The following SETD1A variants were observed in gnomAD, a reference collection of about 807,000 sequenced individuals.
The protein encoded by SETD1A is histone-lysine N-methyltransferase SETD1A.
A neutral mutation model predicts 149.9 loss-of-function variants in SETD1A; 29 were observed. The observed-to-expected ratio is 0.19, with a 90% CI of 0.14 to 0.26. The LOEUF is 0.26. Among genes scored for constraint, SETD1A ranks in the 10% least tolerant of loss-of-function variants. The pLI, the probability that SETD1A is intolerant of heterozygous loss-of-function variation, is 1.00. For missense variants in SETD1A, 2,109 were observed against 2,353.1 expected (o/e 0.90, Z 2.15); for synonymous variants, 1,141 against 968.5 (o/e 1.18, Z -3.31).
Position 30,979,893 on chromosome 16 carries a change from G to A in SETD1A, c.4107G>A (p.Gly1369=), listed in dbSNP as rs753256653. Residue 1369 remains glycine (G), a synonymous_variant, in exon 14 of 19, where the codon GGG becomes GGA. Transcript: ENST00000262519. The part of the protein sequence containing the change: ...EEGEEEGEEE[G]EEEEEESSDS... ...GCGAAGAGGAGGGGGAGGAAGAGGG[G>A]GAGGAAGAGGAGGAGGAGTCCTCTG... 1.0e-5 allele frequency: 16 copies of A among 1,534,214 alleles called. No individual in the cohort carries two copies. Among genetic ancestry groups the A allele is most frequent in the Non-Finnish European group, 1.4e-5 (16 of 1,146,264 alleles).
In SETD1A at chr16:30,966,961, G is replaced by A; in HGVS notation, c.2583G>A (p.Leu861=). Residue 861 remains leucine (L), a synonymous_variant, in exon 9 of 19, where the codon CTG becomes CTA. Coordinates refer to ENST00000262519, the MANE Select transcript of SETD1A (RefSeq NM_014712.3). ...EKTKLKEPGL[L]SLVDWAKSGG... ...CGAAGCTGAAGGAGCCTGGCCTGCT[G>A]TCCCTCGTGGACTGGGCCAAGAGCG... 6.3e-7 allele frequency: 1 copy of A among 1,586,578 alleles called. No homozygotes were observed. The highest frequency in any genetic ancestry group is 1.1e-5 in the South Asian group (1 of 87,108).
At position 30,980,715 on chromosome 16, in the gene SETD1A, T is replaced by A. The variant is rs921924563; in HGVS notation, c.4582-24T>A. On this transcript the variant is annotated intron_variant, in intron 15 of 18. Transcript: ENST00000262519. This position sits in a 1 kb window ranked among gnomAD's most constrained non-coding sequence, Gnocchi z 7.7. ...CACTCACTTCCCTGCCCTGCTCACC[T>A]CCTCCCTGCCGTGTGTCTCACAGGG... 6.2e-6 allele frequency: 10 copies of A among 1,610,984 alleles called. No homozygotes were observed. The highest frequency in any genetic ancestry group is 4.0e-5 in the African/African-American group (3 of 74,856).
At chr16:30,972,542 G>A (rs367881274) in intron 13 of SETD1A, among the ~76,000 whole-genome samples, 12 of 152,010 alleles carry the variant, frequency 7.9e-5, no homozygotes, top group African/African-American at 2.9e-4. Flanking sequence ...GGAGGCTGAG[G>A]CAGGAGAATG....
At chr16:30,959,300 C>G (rs1279107669) in intron 3 of SETD1A, 114 bp downstream of exon 3, 3 of 769,150 alleles carry the variant, frequency 3.9e-6, no homozygotes, top group Non-Finnish European at 7.0e-6. Context: ...CCAGATCTAG[C>G]AACCTCTGAG....
At chr16:30,972,865 AAG>A (rs576753813) in intron 13 of SETD1A, among the ~76,000 whole-genome samples, 3 of 151,948 alleles carry the variant, frequency 2.0e-5, no homozygotes, top group African/African-American at 2.4e-5. Flanking sequence ...AAAAAAAAAA[AAG>A]AGAGAATACC....
Position 30,965,912 on chromosome 16 carries a change from C to T in SETD1A, c.2031C>T (p.Pro677=), listed in dbSNP as rs778772162. The T allele has an allele frequency of 1.2e-6, 2 of 1,612,870 alleles. No individual in the cohort carries two copies. Among genetic ancestry groups the T allele is most frequent in the African/African-American group, 1.3e-5 (1 of 74,890 alleles). The stretch of plus-strand genomic sequence containing the variant: ...TTGGGGCTCAGTGGGGAGGGATGCC[C>T]ATGTCCTTCCAGATGCAGACCCAGA... ...DRLGAQWGGM[P]MSFQMQTQML... is the part of the protein sequence containing the mutation. Residue 677 remains proline (P), a synonymous_variant, in exon 8 of 19, where the codon CCC becomes CCT. Transcript: ENST00000262519.
Position 30,971,782 on chromosome 16 carries a change from G to A in SETD1A, c.3358+63G>A, listed in dbSNP as rs2056228836. 8 of 1,497,378 alleles carry A rather than the reference G, an allele frequency of 5.3e-6. No homozygotes were observed. In the Admixed American group the frequency reaches 7.1e-5, roughly 13 times the overall value. 92.8% of individuals were successfully genotyped at this position (1,497,378 alleles called of 1,614,324 possible). Reference sequence around the variant, plus strand: ...TGTGAGAGAGAGAGAGAAAACAGTGGTGCTTGCATTTATTGTGTACAAGTG... The same window carrying A: ...TGTGAGAGAGAGAGAGAAAACAGTGATGCTTGCATTTATTGTGTACAAGTG... On this transcript the variant is annotated intron_variant, in intron 13 of 18. Transcript: ENST00000262519.
At position 30,968,251 on chromosome 16, in the gene SETD1A, A is replaced by G. The variant is rs548713034; in HGVS notation, c.2770+663A>G. Among the ~76,000 whole-genome samples, 32 of 152,166 alleles carry G rather than the reference A, an allele frequency of 2.1e-4. No individual in the cohort carries two copies. The South Asian group carries it at 3.3e-3, about 16-fold the overall frequency. On this transcript the variant is annotated intron_variant, in intron 10 of 18. Transcript: ENST00000262519. ...ACAACCCTGTCTCTACTAAAAATAC[A>G]AAACAGCCAGGCATGGTGGTGTTCA...
At chr16:30,969,997 C>T (rs925851470) in intron 12 of SETD1A, among the ~76,000 whole-genome samples, 4 of 151,994 alleles carry the variant, frequency 2.6e-5, no homozygotes, top group Admixed American at 6.6e-5. Context: ...GAGAGAGTTT[C>T]GCTCTTGTCG....
chr16:30,965,785 C>T lies in SETD1A; in HGVS notation c.1904C>T (p.Pro635Leu), dbSNP rs1189108413. 1.3e-6 allele frequency: 2 copies of T among 1,590,340 alleles called. No homozygotes were observed. Among genetic ancestry groups the T allele is most frequent in the Non-Finnish European group, 1.7e-6 (2 of 1,167,022 alleles). The change falls in exon 8 of 19, where the codon CCA becomes CTA. Residue 635 changes from proline (P) to leucine (L), a missense_variant. Transcript: ENST00000262519. ...CCCCACCAACCTGCCTACCTCCTCC[C>T]ACCCAGACCTGATGGGCCGCCGCCC... ...YPPHQPAYLLPPRPDGPPPPE... is the reference protein window; with the variant it reads ...YPPHQPAYLLLPRPDGPPPPE...
rs1490384994 is a variant in SETD1A at position 30,959,144 on chromosome 16, G to A, written c.204G>A (p.Arg68=). ...EDLQDPRCHV[R]SKNRDFSLPV... is the part of the protein sequence containing the mutation. ...TCCAAGACCCCCGTTGCCATGTCAG[G>A]TCCAAAAACAGAGACTTTTCCCTCC... Residue 68 remains arginine (R), a synonymous_variant, in exon 3 of 19, where the codon AGG becomes AGA. Transcript: ENST00000262519. 3 of 1,613,920 alleles carry A rather than the reference G, an allele frequency of 1.9e-6. No homozygotes were observed. Among genetic ancestry groups the A allele is most frequent in the South Asian group, 1.1e-5 (1 of 91,076 alleles).
chr16:30,981,057 C>G lies in SETD1A; in HGVS notation c.4693-4C>G, dbSNP rs762434879. The G allele has an allele frequency of 6.2e-7, 1 of 1,614,106 alleles. No homozygotes were observed. The highest frequency in any genetic ancestry group is 1.1e-5 in the South Asian group (1 of 91,084). ...GGCAGTTGAGTCTCCCTTCTGCCCC[C>G]CAGTTCCGGAAGAAGAAGCTCCGAT... On this transcript the variant is annotated splice_region_variant and splice_polypyrimidine_tract_variant and intron_variant, in intron 16 of 18. Coordinates refer to ENST00000262519, the MANE Select transcript of SETD1A (RefSeq NM_014712.3).
At chr16:30,963,162 A>T (rs977205987) in intron 4 of SETD1A, among the ~76,000 whole-genome samples, 1 of 152,234 alleles carries the variant, frequency 6.6e-6, no homozygotes, top group Non-Finnish European at 1.5e-5. Flanking sequence ...AGAGGTACTG[A>T]TGCTTCCCTT....
In SETD1A at chr16:30,983,486, CGAGA is replaced by C. The variant is rs1406814780; in HGVS notation, c.4813-145_4813-142del. ...GAGGGAGGGCTCCTGGAAGCAGAGTCGAGAGAGTCAGTGCCGGGTTAGCGGGAGC... is the reference window on the plus strand; with the variant it reads ...GAGGGAGGGCTCCTGGAAGCAGAGTCGAGTCAGTGCCGGGTTAGCGGGAGC... On this transcript the variant is annotated intron_variant, in intron 17 of 18. Transcript: ENST00000262519. This position sits in a 1 kb window ranked among gnomAD's most constrained non-coding sequence, Gnocchi z 6.8. 2.2e-6 allele frequency: 2 copies of C among 911,436 alleles called. No homozygotes were observed. Among genetic ancestry groups the C allele is most frequent in the East Asian group, 5.3e-5 (2 of 37,858 alleles). 56.5% of individuals were successfully genotyped at this position (911,436 alleles called of 1,614,324 possible). A position where few individuals can be genotyped will look rare whatever the true frequency, so the allele number is the denominator to read the frequency against.
In SETD1A at chr16:30,970,734, C is replaced by G. The variant is rs1008885830; in HGVS notation, c.3017-644C>G. Among the ~76,000 whole-genome samples the G allele has an allele frequency of 1.3e-4, 20 of 152,268 alleles. No individual in the cohort carries two copies. In the East Asian group the frequency reaches 3.3e-3, roughly 25 times the overall value. On this transcript the variant is annotated intron_variant, in intron 12 of 18. Coordinates refer to ENST00000262519, the MANE Select transcript of SETD1A (RefSeq NM_014712.3). The stretch of plus-strand genomic sequence containing the variant: ...TGGCAACTTGTTCTCCACAGGGTGT[C>G]CCCCCAGGCCAACACCATGGGCCGT...
At chr16:30,963,116 G>C (rs1021486458) in intron 4 of SETD1A, among the ~76,000 whole-genome samples, 1 of 152,214 alleles carries the variant, frequency 6.6e-6, no homozygotes, top group Non-Finnish European at 1.5e-5. Flanking sequence ...GACCAATTCT[G>C]TGACTTTGTG....
At position 30,980,349 on chromosome 16, in the gene SETD1A, TGGCA is replaced by T; in HGVS notation, c.4409-133_4409-130del. 6.9e-7 allele frequency: 1 copy of T among 1,449,616 alleles called. No individual in the cohort carries two copies. Among genetic ancestry groups the T allele is most frequent in the African/African-American group, 1.4e-5 (1 of 70,394 alleles). 89.8% of individuals were successfully genotyped at this position (1,449,616 alleles called of 1,614,324 possible). ...TCTTTTCTGCCTTCCAAAGCATTTCTGGCAGGAACGATGGGGCTGGGGCTTCCTC... is the reference window on the plus strand; with the variant it reads ...TCTTTTCTGCCTTCCAAAGCATTTCTGGAACGATGGGGCTGGGGCTTCCTC... On this transcript the variant is annotated intron_variant, in intron 14 of 18. Coordinates refer to ENST00000262519, the MANE Select transcript of SETD1A (RefSeq NM_014712.3). This position sits in a 1 kb window ranked among gnomAD's most constrained non-coding sequence, Gnocchi z 7.7.
rs556637510 is a variant in SETD1A, at chr16:30,973,739, G to A, written c.3358+2020G>A. The stretch of plus-strand genomic sequence containing the variant: ...GTTGAGAATCCGTGGTCTGAGATAG[G>A]CAGTGCCCACAGGAAGACCTCCTCA... On this transcript the variant is annotated intron_variant, in intron 13 of 18. Transcript: ENST00000262519. Among the ~76,000 whole-genome samples the A allele has an allele frequency of 2.6e-5, 4 of 152,194 alleles. No individual in the cohort carries two copies. In the East Asian group the frequency reaches 7.7e-4, roughly 29 times the overall value.
At chr16:30,958,525 G>T (rs951404595) in intron 1 of SETD1A, 192 bp from the exon 2 acceptor site, 2 of 592,106 alleles carry the variant, frequency 3.4e-6, no homozygotes, top group Non-Finnish European at 6.0e-6. Context: ...GAGTTGGGAG[G>T]TGGAAAGAGG....
Sources: allele counts gnomAD v4.1 joint callset (sites outside exome capture counted in the v4.1 genomes callset), GRCh38; gene constraint gnomAD v4.1.1; non-coding constraint Gnocchi (gnomAD v3.1); transcripts MANE v1.5; gene names NCBI Gene and HGNC (gene_info 2026-07-23, HGNC 2026-07-21).